The following TIRAP variants were observed in gnomAD, a reference collection of about 807,000 sequenced individuals.
TIRAP encodes toll/interleukin-1 receptor domain-containing adapter protein.
TIRAP carries 20 observed loss-of-function variants against 19.8 expected under a neutral mutation model. The ratio of observed to expected loss-of-function variants is 1.01; its 90% confidence interval spans 0.71 to 1.47. TIRAP has a LOEUF of 1.47. TIRAP is among the 40% of genes most tolerant of loss of function. TIRAP has a pLI of 0.00. For synonymous variants in TIRAP, 125 were observed against 121.7 expected (o/e 1.03, Z -0.18); for missense variants, 276 against 285.1 (o/e 0.97, Z 0.23).
Position 126,292,684 on chromosome 11 carries a change from A to G in TIRAP, c.275A>G (p.His92Arg). The change falls in exon 4 of 5, where the codon CAC (histidine) becomes CGC (arginine). Residue 92 changes from histidine to arginine, a missense_variant. Coordinates refer to ENST00000392679, the MANE Select transcript of TIRAP (RefSeq NM_001318777.2). ...WSKDYDVCVCHSEEDLVAAQD... is the reference protein window; with the variant it reads ...WSKDYDVCVCRSEEDLVAAQD... ...AAAGACTATGACGTCTGCGTGTGCCACAGTGAGGAAGACCTGGTGGCCGCC... is the reference window on the plus strand; with the variant it reads ...AAAGACTATGACGTCTGCGTGTGCCGCAGTGAGGAAGACCTGGTGGCCGCC... 6.2e-7 allele frequency: 1 copy of G among 1,613,972 alleles called. No homozygotes were observed. Among genetic ancestry groups the G allele is most frequent in the South Asian group, 1.1e-5 (1 of 91,044 alleles).
Position 126,290,584 on chromosome 11 carries a change from C to T in TIRAP, c.-94C>T, listed in dbSNP as rs183336403. On this transcript the variant is annotated splice_region_variant and 5_prime_UTR_variant, in exon 2 of 5. Coordinates refer to ENST00000392679, the MANE Select transcript of TIRAP (RefSeq NM_001318777.2). The surrounding 1 kb of genome is among the most constrained non-coding windows in gnomAD (Gnocchi z 4.9). ...CAGCTGGTCATGCTGAGCTCATACC[C>T]TGTAAGTCTGACCACACTACACAGC... 4.5e-6 allele frequency: 5 copies of T among 1,121,080 alleles called. No homozygotes were observed. The highest frequency in any genetic ancestry group is 2.2e-6 in the Non-Finnish European group (2 of 917,700). The allele number at this position is 1,121,080 out of a possible 1,614,324, so 69.4% of individuals were successfully genotyped here.
Position 126,290,771 on chromosome 11 carries a change from C to G in TIRAP, c.-92-32C>G. On this transcript the variant is annotated intron_variant, in intron 2 of 4. Coordinates refer to ENST00000392679, the MANE Select transcript of TIRAP (RefSeq NM_001318777.2). This position sits in a 1 kb window ranked among gnomAD's most constrained non-coding sequence, Gnocchi z 4.9. Reference sequence around the variant, plus strand: ...GGGAATGAGAGCAGGGTAAGTGCAGCCTTTGTGATTCTCTCTCTCTACCCT... The same window carrying G: ...GGGAATGAGAGCAGGGTAAGTGCAGGCTTTGTGATTCTCTCTCTCTACCCT... 6.8e-6 allele frequency: 10 copies of G among 1,478,500 alleles called. No homozygotes were observed. In the South Asian group the frequency reaches 1.4e-4, roughly 20 times the overall value. 91.6% of individuals were successfully genotyped at this position (1,478,500 alleles called of 1,614,324 possible).
Position 126,290,747 on chromosome 11 carries a change from G to C in TIRAP, c.-92-56G>C. 7.0e-7 allele frequency: 1 copy of C among 1,432,094 alleles called. No individual in the cohort carries two copies. Among genetic ancestry groups the C allele is most frequent in the Admixed American group, 3.2e-5 (1 of 31,098 alleles). 88.7% of individuals were successfully genotyped at this position (1,432,094 alleles called of 1,614,324 possible). ...AGAACTTCGCAGAGCTCATCCATGG[G>C]GAATGAGAGCAGGGTAAGTGCAGCC... On this transcript the variant is annotated intron_variant, in intron 2 of 4. Coordinates refer to ENST00000392679, the MANE Select transcript of TIRAP (RefSeq NM_001318777.2). This position sits in a 1 kb window ranked among gnomAD's most constrained non-coding sequence, Gnocchi z 4.9.
At chr11:126,283,310 A>C (rs1951278113) in intron 1 of TIRAP, among the ~76,000 whole-genome samples, 157 bp downstream of exon 1, 1 of 151,934 alleles carries the variant, frequency 6.6e-6, no homozygotes, top group Non-Finnish European at 1.5e-5. Flanking sequence ...TGCTGGCGGC[A>C]CATCCGCTTC....
chr11:126,285,260 T>TATATATATATATATAA (rs773653398), intron 1 of TIRAP, among the ~76,000 whole-genome samples: 6,377 of 134,954 alleles, frequency 0.047, 195 homozygotes, highest in African/African-American at 0.062. Flanking sequence ...TATATATATA[T>TATATATATATATATAA]AATATATATT....
rs776430882 is a variant in TIRAP at position 126,291,801 on chromosome 11, TC to T, written c.68-673del. Among the ~76,000 whole-genome samples the T allele has an allele frequency of 6.6e-6, 1 of 151,884 alleles. No individual in the cohort carries two copies. The highest frequency in any genetic ancestry group is 1.5e-5 in the Non-Finnish European group (1 of 68,012). On this transcript the variant is annotated intron_variant, in intron 3 of 4. Transcript: ENST00000392679. This position sits in a 1 kb window ranked among gnomAD's most constrained non-coding sequence, Gnocchi z 5.6. The stretch of plus-strand genomic sequence containing the variant: ...GCATAACGTAGCTCTGCCTGCAGAC[TC>T]CCGGTGGTTGACTAGTCAGCTCTAG...
At chr11:126,293,574 G>GT in intron 4 of TIRAP, 94 bp from the exon 5 acceptor site, 1 of 1,426,860 alleles carries the variant, frequency 7.0e-7, no homozygotes, top group African/African-American at 1.4e-5. Flanking sequence ...GTTTGGAAGT[G>GT]TAATAGATAA....
chr11:126,285,226 GAT>G (rs1425005601), intron 1 of TIRAP, among the ~76,000 whole-genome samples: 1 of 55,380 alleles, frequency 1.8e-5, no homozygotes, highest in African/African-American at 4.9e-5. Flanking sequence ...ACATTTATTG[GAT>G]ATATGTGTGT....
At chr11:126,286,052 T>C (rs1038488988) in intron 1 of TIRAP, among the ~76,000 whole-genome samples, 2 of 70,908 alleles carry the variant, frequency 2.8e-5, no homozygotes, top group African/African-American at 1.2e-4. Context: ...AGACCCTCTC[T>C]GGAAAAAAAA....
At chr11:126,293,246 T>C (rs1346795046) in intron 4 of TIRAP, 191 bp downstream of exon 4, 1 of 1,035,588 alleles carries the variant, frequency 9.7e-7, no homozygotes, top group Non-Finnish European at 1.4e-6. Context: ...ACTCACCCGC[T>C]CTGTGCCTTG....
Position 126,291,263 on chromosome 11 carries a change from T to C in TIRAP, c.67+302T>C, listed in dbSNP as rs886305637. ...AACACTGTCTCTTGTCGTCCAAATC[T>C]TTGTTCCAGAACCATTTAGAGGAGA... is the stretch of plus-strand genomic sequence containing the variant. On this transcript the variant is annotated intron_variant, in intron 3 of 4. Coordinates refer to ENST00000392679, the MANE Select transcript of TIRAP (RefSeq NM_001318777.2). This position sits in a 1 kb window ranked among gnomAD's most constrained non-coding sequence, Gnocchi z 5.6. The C allele has an allele frequency of 9.0e-6, 5 of 556,266 alleles. No homozygotes were observed. The African/African-American group carries it at 9.5e-5, about 11-fold the overall frequency. The allele number at this position is 556,266 out of a possible 1,614,324, so 34.5% of individuals were successfully genotyped here.
rs1170824402 is a variant in TIRAP at position 126,293,691 on chromosome 11, T to C, written c.*4T>C. 6.2e-7 allele frequency: 1 copy of C among 1,614,174 alleles called. No homozygotes were observed. Among genetic ancestry groups the C allele is most frequent in the African/African-American group, 1.3e-5 (1 of 75,048 alleles). ...AGATCTGCAGACACTCAGTTGACAC[T>C]TGTTATATCATGGGACCCCGGAAAT... is the stretch of plus-strand genomic sequence containing the variant. On this transcript the variant is annotated 3_prime_UTR_variant, in exon 5 of 5. Transcript: ENST00000392679.
intron 4 of TIRAP, chr11:126,293,339 A>G: frequency 1.4e-6 from 1 of 714,512 alleles, no homozygotes; most frequent in East Asian, 2.7e-5. Flanking sequence ...GGCCTAGCAC[A>G]TGTATTCATA....
At position 126,290,595 on chromosome 11, in the gene TIRAP, A is replaced by C. The variant is rs1951369112; in HGVS notation, c.-93+10A>C. ...GCTGAGCTCATACCCTGTAAGTCTG[A>C]CCACACTACACAGCTTTGGCTTTAT... On this transcript the variant is annotated intron_variant, in intron 2 of 4. Transcript: ENST00000392679. The surrounding 1 kb of genome is among the most constrained non-coding windows in gnomAD (Gnocchi z 4.9). The C allele has an allele frequency of 8.7e-7, 1 of 1,150,502 alleles. No homozygotes were observed. Among genetic ancestry groups the C allele is most frequent in the South Asian group, 2.9e-5 (1 of 34,526 alleles). The allele number at this position is 1,150,502 out of a possible 1,614,324, so 71.3% of individuals were successfully genotyped here. A position where few individuals can be genotyped will look rare whatever the true frequency, so the allele number is the denominator to read the frequency against.
chr11:126,290,506 C>T lies in TIRAP; in HGVS notation c.-172C>T, dbSNP rs1951367332. 9.9e-6 allele frequency: 10 copies of T among 1,007,936 alleles called. No homozygotes were observed. Among genetic ancestry groups the T allele is most frequent in the African/African-American group, 1.7e-5 (1 of 58,132 alleles). The allele number at this position is 1,007,936 out of a possible 1,614,324, so 62.4% of individuals were successfully genotyped here. On this transcript the variant is annotated 5_prime_UTR_variant, in exon 2 of 5. Coordinates refer to ENST00000392679, the MANE Select transcript of TIRAP (RefSeq NM_001318777.2). This position sits in a 1 kb window ranked among gnomAD's most constrained non-coding sequence, Gnocchi z 4.9. ...TCTAAAGAGCTGCCTGCCAGCTGCC[C>T]TTCCCCAGATCCCGAATATCCTCCT...
Position 126,293,804 on chromosome 11 carries a change from T to G in TIRAP, c.*117T>G. 1.8e-6 allele frequency: 2 copies of G among 1,139,704 alleles called. No individual in the cohort carries two copies. Among genetic ancestry groups the G allele is most frequent in the Non-Finnish European group, 2.6e-6 (2 of 755,130 alleles). 70.6% of individuals were successfully genotyped at this position (1,139,704 alleles called of 1,614,324 possible). On this transcript the variant is annotated 3_prime_UTR_variant, in exon 5 of 5. Coordinates refer to ENST00000392679, the MANE Select transcript of TIRAP (RefSeq NM_001318777.2). Reference sequence around the variant, plus strand: ...GGTATAGGGAGTGAGTCACAGCGCTTTGCTCGTGACCCTGGGATCAGAGCA... The same window carrying G: ...GGTATAGGGAGTGAGTCACAGCGCTGTGCTCGTGACCCTGGGATCAGAGCA...
rs368360725 is a variant in TIRAP at position 126,288,883 on chromosome 11, T to G, written c.-216-1579T>G. 6.6e-6 allele frequency among the ~76,000 whole-genome samples: 1 copy of G among 152,166 alleles called. No individual in the cohort carries two copies. Among genetic ancestry groups the G allele is most frequent in the East Asian group, 1.9e-4 (1 of 5,204 alleles). The stretch of plus-strand genomic sequence containing the variant: ...CAAGGCCAAATAATTAATATTAAAA[T>G]TAAAACAGAATTGAAAAAATATTTA... On this transcript the variant is annotated intron_variant, in intron 1 of 4. Coordinates refer to ENST00000392679, the MANE Select transcript of TIRAP (RefSeq NM_001318777.2). This position sits in a 1 kb window ranked among gnomAD's most constrained non-coding sequence, Gnocchi z 5.0.
Position 126,290,841 on chromosome 11 carries a change from T to A in TIRAP, c.-54T>A. The A allele has an allele frequency of 6.4e-7, 1 of 1,557,894 alleles. No individual in the cohort carries two copies. Among genetic ancestry groups the A allele is most frequent in the Non-Finnish European group, 8.7e-7 (1 of 1,151,424 alleles). ...TGAGGTCAAGACTGGGTCTCCTCCC[T>A]CCTCCCCCTTCACCAATGCCTGGTC... On this transcript the variant is annotated 5_prime_UTR_variant, in exon 3 of 5. Transcript: ENST00000392679. The surrounding 1 kb of genome is among the most constrained non-coding windows in gnomAD (Gnocchi z 4.9).
rs987777890 is a variant in TIRAP, at chr11:126,287,959, G to A, written c.-216-2503G>A. On this transcript the variant is annotated intron_variant, in intron 1 of 4. Coordinates refer to ENST00000392679, the MANE Select transcript of TIRAP (RefSeq NM_001318777.2). This position sits in a 1 kb window ranked among gnomAD's most constrained non-coding sequence, Gnocchi z 4.2. ...AGTAGAGACAGGGTTTCGACCTGTC[G>A]GCCAGGCTGGTCTTGAACTCCTGAG... Among the ~76,000 whole-genome samples the A allele has an allele frequency of 1.3e-5, 2 of 151,666 alleles. No homozygotes were observed. Among genetic ancestry groups the A allele is most frequent in the South Asian group, 2.1e-4 (1 of 4,812 alleles).
Sources: gnomAD v4.1 joint callset for allele counts (sites outside exome capture counted in the v4.1 genomes callset) on GRCh38, gnomAD v4.1.1 for gene constraint, Gnocchi (gnomAD v3.1) non-coding constraint, MANE v1.5 for transcripts, NCBI Gene and HGNC (gene_info 2026-07-23, HGNC 2026-07-21) for gene names.